Variants in ZNF280B observed in about 807,000 individuals in gnomAD.
ZNF280B encodes suppressor of hairy wing homolog 2.
In ZNF280B, 16 loss-of-function variants were observed where a neutral mutation model predicts 38.0. That is an observed-to-expected ratio of 0.42 (90% confidence interval 0.28 to 0.64). The LOEUF (loss-of-function observed/expected upper bound fraction) is 0.64, where lower values mean the gene tolerates loss of function less well. Among genes scored for constraint, ZNF280B ranks in the 30% least tolerant of loss-of-function variants. ZNF280B has a pLI of 0.21. For missense variants in ZNF280B, 581 were observed against 639.6 expected (o/e 0.91, Z 0.99); for synonymous variants, 253 against 230.6 (o/e 1.10, Z -0.88).
chr22:22,496,858 C>T (rs1158764103), intron 2 of ZNF280B, among the ~76,000 whole-genome samples: 2 of 149,434 alleles, frequency 1.3e-5, no homozygotes, highest in Non-Finnish European at 3.0e-5. Flanking sequence ...CGCTCTGTCA[C>T]CCAGGCTGGA....
chr22:22,503,983 T>C (rs1368962667), intron 2 of ZNF280B, among the ~76,000 whole-genome samples: 1 of 152,000 alleles, frequency 6.6e-6, no homozygotes, highest in Non-Finnish European at 1.5e-5. Flanking sequence ...TTCAAACTTA[T>C]ACAACACTAA....
At chr22:22,489,574 G>A (rs2061552614) in intron 3 of ZNF280B, 108 bp from the exon 4 acceptor site, 1 of 566,910 alleles carries the variant, frequency 1.8e-6, no homozygotes, top group Non-Finnish European at 3.0e-6. Context: ...AGGACACTGA[G>A]ACTGAAAGAG....
intron 2 of ZNF280B, among the ~76,000 whole-genome samples, chr22:22,494,653 A>G (rs1476390246): frequency 6.6e-6 from 1 of 152,006 alleles, no homozygotes; most frequent in African/African-American, 2.4e-5. Flanking sequence ...CTTCAATTCC[A>G]AAGAAAGCTG....
intron 2 of ZNF280B, among the ~76,000 whole-genome samples, chr22:22,504,395 C>G (rs940079364): frequency 4.0e-5 from 6 of 148,900 alleles, no homozygotes; most frequent in Non-Finnish European, 8.9e-5. Context: ...CCACTGCACT[C>G]CGGCCTGGAC....
At chr22:22,499,352 C>A (rs555040569) in intron 2 of ZNF280B, among the ~76,000 whole-genome samples, 1 of 151,798 alleles carries the variant, frequency 6.6e-6, no homozygotes, top group East Asian at 2.0e-4. Context: ...ACAACCTCCG[C>A]CTCCCGGGTT....
intron 2 of ZNF280B, among the ~76,000 whole-genome samples, chr22:22,496,193 C>T (rs1209156315): frequency 6.9e-6 from 1 of 145,026 alleles, no homozygotes; most frequent in African/African-American, 2.6e-5. Flanking sequence ...ACTGCAACTT[C>T]TCCTGAGATG....
chr22:22,504,210 G>C (rs1394078917), intron 2 of ZNF280B, among the ~76,000 whole-genome samples: 1 of 151,756 alleles, frequency 6.6e-6, no homozygotes, highest in Non-Finnish European at 1.5e-5. Flanking sequence ...GAGGCAGGTG[G>C]CTCACGAGGC....
intron 2 of ZNF280B, among the ~76,000 whole-genome samples, chr22:22,497,859 A>C (rs2061732891): frequency 6.6e-6 from 1 of 151,958 alleles, no homozygotes; most frequent in Non-Finnish European, 1.5e-5. Flanking sequence ...ATGATCCCAC[A>C]AATCTAAGTA....
Position 22,505,488 on chromosome 22 carries a change from C to T in ZNF280B, c.-187+2322G>A, listed in dbSNP as rs556364546. 2.1e-3 allele frequency among the ~76,000 whole-genome samples: 322 copies of T among 151,996 alleles called. 2 individuals carry two copies. Among genetic ancestry groups the T allele is most frequent in the South Asian group, 0.018 (89 of 4,818 alleles). ...GGCTGAGGCAGGAGAATTGCTTGAA[C>T]CCAGAAGACAGAGGCTGCGGTGTGC... On this transcript the variant is annotated intron_variant, in intron 2 of 3. Coordinates refer to ENST00000626650, the MANE Select transcript of ZNF280B (RefSeq NM_080764.4).
At chr22:22,497,463 G>A (rs932381937) in intron 2 of ZNF280B, among the ~76,000 whole-genome samples, 12 of 151,598 alleles carry the variant, frequency 7.9e-5, no homozygotes, top group Admixed American at 6.6e-5. Flanking sequence ...CCCGGGAGGC[G>A]GAGGTTACAA....
At chr22:22,496,104 C>G (rs780288274) in intron 2 of ZNF280B, among the ~76,000 whole-genome samples, 4 of 134,014 alleles carry the variant, frequency 3.0e-5, no homozygotes, top group Admixed American at 3.0e-4. Flanking sequence ...CTGCGCCTGG[C>G]CTTTTTTTTT....
chr22:22,488,146 A>C lies in ZNF280B; in HGVS notation c.1253T>G (p.Val418Gly), dbSNP rs1427084105. ...CHYRSSVFAD[V>G]ETHFRTCHEN... ...ATGGCACGTTCTAAAATGTGTTTCTACATCAGCAAAGACCGACGATCTATA... is the reference window on the plus strand; with the variant it reads ...ATGGCACGTTCTAAAATGTGTTTCTCCATCAGCAAAGACCGACGATCTATA... The change falls in exon 4 of 4, where the codon GTA (valine) becomes GGA (glycine). Residue 418 changes from valine (V) to glycine (G), a missense_variant. Val to Gly is a moderately radical substitution (Grantham distance 109). Transcript: ENST00000626650. The C allele has an allele frequency of 6.2e-7, 1 of 1,613,932 alleles. No individual in the cohort carries two copies.
intron 2 of ZNF280B, among the ~76,000 whole-genome samples, chr22:22,498,793 C>T (rs1235327088): frequency 4.8e-5 from 4 of 83,654 alleles, no homozygotes; most frequent in African/African-American, 1.0e-4. Flanking sequence ...GGCCAATATC[C>T]TTTTTTTTTT....
In ZNF280B at chr22:22,488,779, G is replaced by A. The variant is rs1281209076; in HGVS notation, c.620C>T (p.Thr207Ile). 5.0e-6 allele frequency: 8 copies of A among 1,613,704 alleles called. No homozygotes were observed. In the Admixed American group the frequency reaches 6.7e-5, roughly 13 times the overall value. ...TTGCTGAGTATTCATTGTATGAAAG[G>A]TATCTGAAGGGAATGAAGCTGAAGA... ...GNSSASFPSD[T>I]FHTMNTQQST... The change falls in exon 4 of 4, where the codon ACC becomes ATC. Residue 207 changes from threonine to isoleucine, a missense_variant. By Grantham distance (89) the Thr-to-Ile change is moderately conservative (BLOSUM62 -1). Transcript: ENST00000626650.
chr22:22,492,660 T>C, intron 3 of ZNF280B, among the ~76,000 whole-genome samples: 1 of 151,912 alleles, frequency 6.6e-6, no homozygotes, highest in East Asian at 2.0e-4. Context: ...GCCAAGGCAG[T>C]TGGATCACAA....
chr22:22,497,107 C>T (rs1436038969), intron 2 of ZNF280B, among the ~76,000 whole-genome samples: 21 of 149,208 alleles, frequency 1.4e-4, no homozygotes, highest in Non-Finnish European at 2.2e-4. Flanking sequence ...CGTGAGGCAC[C>T]GTGCCCAGCC....
chr22:22,492,603 C>G lies in ZNF280B; in HGVS notation c.-69+1460G>C, dbSNP rs867478235. Among the ~76,000 whole-genome samples the G allele has an allele frequency of 4.6e-5, 7 of 151,926 alleles. No individual in the cohort carries two copies. In the Middle Eastern group the frequency reaches 0.014, roughly 304 times the overall value. On this transcript the variant is annotated intron_variant, in intron 3 of 3. Transcript: ENST00000626650. ...CTAACATCCTCTCTAAAGAAAATAT[C>G]TGGCTGGGCACGGTGGCTCATGCCT...
chr22:22,508,034 C>T (rs1368865564), intron 1 of ZNF280B, among the ~76,000 whole-genome samples, 164 bp from the exon 2 acceptor site: 1 of 151,880 alleles, frequency 6.6e-6, no homozygotes, highest in Admixed American at 6.6e-5. Context: ...ATCTACCCTA[C>T]CTTAGCAAAG....
rs71199486 is a variant in ZNF280B, at chr22:22,497,208, TAAAAAAAAAAAAAAAAAAAAAAA to T, written c.-186-3051_-186-3029del. On this transcript the variant is annotated intron_variant, in intron 2 of 3. Coordinates refer to ENST00000626650, the MANE Select transcript of ZNF280B (RefSeq NM_080764.4). Reference sequence around the variant, plus strand: ...TGAGCAGAATCTTGGTCTCCATCTTTAAAAAAAAAAAAAAAAAAAAAAAAAAAAAAAAAAAAAAAAGGCCAGGC... The same window carrying T: ...TGAGCAGAATCTTGGTCTCCATCTTTAAAAAAAAAAAAAAAAAGGCCAGGC... Among the ~76,000 whole-genome samples the T allele has an allele frequency of 1.2e-3, 40 of 33,644 alleles. 1 individual carries two copies. Among genetic ancestry groups the T allele is most frequent in the South Asian group, 5.6e-3 (5 of 892 alleles). 22.1% of individuals were successfully genotyped at this position (33,644 alleles called of 152,430 possible).
Sources: gnomAD v4.1 joint callset for allele counts (sites outside exome capture counted in the v4.1 genomes callset) on GRCh38, gnomAD v4.1.1 for gene constraint, MANE v1.5 for transcripts, NCBI Gene and HGNC (gene_info 2026-07-23, HGNC 2026-07-21) for gene names.